The following CREB3L2 variants were observed in gnomAD, a reference collection of about 807,000 sequenced individuals.
The protein encoded by CREB3L2 is cyclic AMP-responsive element-binding protein 3-like protein 2.
A neutral mutation model predicts 57.2 loss-of-function variants in CREB3L2; 23 were observed. That is an observed-to-expected ratio of 0.40 (90% CI 0.29 to 0.57). The LOEUF is 0.57. Ranked by LOEUF, CREB3L2 falls within the 20% of genes least tolerant of loss-of-function variation. The probability of loss-of-function intolerance (pLI) is 0.42; values close to 1 mark genes in which losing one functional copy is unlikely to be tolerated. For synonymous variants in CREB3L2, 268 were observed against 265.1 expected, an observed-to-expected ratio of 1.01 and a Z score of -0.11; for missense variants, 628 against 634.7, an observed-to-expected ratio of 0.99 and a Z score of 0.11.
chr7:138,001,833 T>C lies in CREB3L2; in HGVS notation c.-128A>G. 3.3e-6 allele frequency: 2 copies of C among 611,978 alleles called. No individual in the cohort carries two copies. The highest frequency in any genetic ancestry group is 5.3e-6 in the Non-Finnish European group (2 of 377,302). 37.9% of individuals were successfully genotyped at this position (611,978 alleles called of 1,614,324 possible). On this transcript the variant is annotated 5_prime_UTR_variant, in exon 1 of 12. Coordinates refer to ENST00000330387, the MANE Select transcript of CREB3L2 (RefSeq NM_194071.4). This position sits in a 1 kb window ranked among gnomAD's most constrained non-coding sequence, Gnocchi z 4.2. ...GTGTGCGCGCGCGTGTCTGTAGTTT[T>C]GCACTTGGAAAGCAAACGTCTGCTC...
intron 8 of CREB3L2, among the ~76,000 whole-genome samples, chr7:137,886,597 G>A (rs1222143777): frequency 1.3e-5 from 2 of 152,084 alleles, no homozygotes; most frequent in Non-Finnish European, 2.9e-5. Context: ...AGGAAACGAA[G>A]CCAACATATG....
In CREB3L2 at chr7:137,928,156, T is replaced by C; in HGVS notation, c.313A>G (p.Asn105Asp). 3 of 1,516,200 alleles carry C rather than the reference T, an allele frequency of 2.0e-6. No individual in the cohort carries two copies. The highest frequency in any genetic ancestry group is 1.8e-6 in the Non-Finnish European group (2 of 1,135,238). 93.9% of individuals were successfully genotyped at this position (1,516,200 alleles called of 1,614,324 possible). Residue 105 changes from asparagine (N) to aspartate (D), a missense_variant, in exon 2 of 12, where the codon AAT (asparagine) becomes GAT (aspartate). Transcript: ENST00000330387. ...CCTCCTCCTCTGAGTTTACCGTCAT[T>C]GAAGCTGTCACTGGTGGTAATGTGG... Reference protein sequence around the residue: ...FTHITTSDSFNDDEVESEKWY... With the variant: ...FTHITTSDSFDDDEVESEKWY...
At chr7:137,987,603 T>C (rs1423029013) in intron 1 of CREB3L2, among the ~76,000 whole-genome samples, 1 of 152,224 alleles carries the variant, frequency 6.6e-6, no homozygotes, top group East Asian at 1.9e-4. Context: ...GGACAGGTTT[T>C]GTGTGTTGGG....
chr7:137,973,288 C>T (rs555047962), intron 1 of CREB3L2, among the ~76,000 whole-genome samples: 1 of 151,988 alleles, frequency 6.6e-6, no homozygotes, highest in Non-Finnish European at 1.5e-5. Flanking sequence ...TTGCCTTGTA[C>T]GGAAGACTTG....
intron 3 of CREB3L2, among the ~76,000 whole-genome samples, chr7:137,913,594 A>C (rs1385512108): frequency 6.6e-6 from 1 of 151,978 alleles, no homozygotes; most frequent in Non-Finnish European, 1.5e-5. Flanking sequence ...CAAGCCCAAA[A>C]CTATATCAAT....
At chr7:137,962,644 C>A (rs1196461244) in intron 1 of CREB3L2, among the ~76,000 whole-genome samples, 1 of 152,086 alleles carries the variant, frequency 6.6e-6, no homozygotes, top group Non-Finnish European at 1.5e-5. Flanking sequence ...GCCTCCCACC[C>A]CCCACCAGCA....
chr7:137,904,336 G>C (rs1799835095), intron 6 of CREB3L2, among the ~76,000 whole-genome samples: 2 of 152,070 alleles, frequency 1.3e-5, no homozygotes. Flanking sequence ...TTCGAGACCA[G>C]CCTGGCCAAC....
intron 1 of CREB3L2, among the ~76,000 whole-genome samples, chr7:137,976,144 A>G (rs560255182): frequency 6.6e-6 from 1 of 152,366 alleles, no homozygotes; most frequent in Non-Finnish European, 1.5e-5. Context: ...ATTGGGTTCA[A>G]TATGGATATT....
At chr7:137,924,102 C>T (rs1006599576) in intron 2 of CREB3L2, among the ~76,000 whole-genome samples, 15 of 152,312 alleles carry the variant, frequency 9.8e-5, no homozygotes, top group African/African-American at 3.6e-4. Context: ...GCCTACCCAG[C>T]CATCCCTTGC....
At chr7:137,979,680 C>T (rs1243221243) in intron 1 of CREB3L2, among the ~76,000 whole-genome samples, 4 of 152,044 alleles carry the variant, frequency 2.6e-5, no homozygotes, top group Non-Finnish European at 5.9e-5. Flanking sequence ...GAGCCGAGAT[C>T]GTGCCACTGC....
chr7:137,947,966 G>A (rs1470500824), intron 1 of CREB3L2, among the ~76,000 whole-genome samples: 1 of 152,076 alleles, frequency 6.6e-6, no homozygotes. Context: ...TCACTAGCCT[G>A]GAGCCTCGGG....
chr7:137,993,864 T>G (rs1563276444), intron 1 of CREB3L2, among the ~76,000 whole-genome samples: 1 of 152,196 alleles, frequency 6.6e-6, no homozygotes, highest in Non-Finnish European at 1.5e-5. Flanking sequence ...AAGGAACTTG[T>G]GCTGAGCAAA....
At chr7:137,903,788 G>C (rs559209537) in intron 7 of CREB3L2, among the ~76,000 whole-genome samples, 171 bp downstream of exon 7, 1 of 152,288 alleles carries the variant, frequency 6.6e-6, no homozygotes, top group South Asian at 2.1e-4. Flanking sequence ...CTTTATTATA[G>C]ACGTCTCCTC....
intron 8 of CREB3L2, among the ~76,000 whole-genome samples, chr7:137,891,951 A>T (rs1167148460): frequency 6.6e-6 from 1 of 152,214 alleles, no homozygotes; most frequent in Non-Finnish European, 1.5e-5. Context: ...GTGCGGGTGC[A>T]CATATGTGTG....
rs1563274409 is a variant in CREB3L2, at chr7:137,986,896, G to GT, written c.102+14707dup. 2.0e-5 allele frequency among the ~76,000 whole-genome samples: 3 copies of GT among 152,214 alleles called. No individual in the cohort carries two copies. In the South Asian group the frequency reaches 6.2e-4, roughly 32 times the overall value. ...CCCCTCTCTTAGCACACAAGAAAAC[G>GT]TGTCTGTGAAGACTGCCTTAGAACA... On this transcript the variant is annotated intron_variant, in intron 1 of 11. Transcript: ENST00000330387.
chr7:137,949,587 T>G (rs1039174694), intron 1 of CREB3L2, among the ~76,000 whole-genome samples: 2 of 152,210 alleles, frequency 1.3e-5, no homozygotes, highest in Non-Finnish European at 2.9e-5. Flanking sequence ...GACCTGGGTA[T>G]GTTATATTCA....
intron 10 of CREB3L2, 146 bp downstream of exon 10, chr7:137,884,849 C>A (rs1799375977): frequency 1.7e-6 from 2 of 1,153,414 alleles, no homozygotes; most frequent in Admixed American, 1.7e-5. Flanking sequence ...AGGGGAACCC[C>A]CACTTGCCTC....
At chr7:137,916,386 T>C (rs1800133040) in intron 2 of CREB3L2, among the ~76,000 whole-genome samples, 1 of 152,130 alleles carries the variant, frequency 6.6e-6, no homozygotes. Context: ...GTATTATCTA[T>C]TCAAAAATAG....
intron 6 of CREB3L2, 131 bp downstream of exon 6, chr7:137,905,571 G>A: frequency 1.0e-6 from 1 of 975,684 alleles, no homozygotes; most frequent in South Asian, 1.4e-5. Context: ...AGGGCTTAGG[G>A]AAGGGAAGGG....
Sources: allele counts gnomAD v4.1 joint callset (sites outside exome capture counted in the v4.1 genomes callset), GRCh38; gene constraint gnomAD v4.1.1; non-coding constraint Gnocchi (gnomAD v3.1); transcripts MANE v1.5; gene names NCBI Gene and HGNC (gene_info 2026-07-23, HGNC 2026-07-21).